CYP2J2: variants seen among roughly 807,000 people sequenced by gnomAD.
The protein encoded by CYP2J2 is cytochrome P450 family 2 subfamily J member 2.
A neutral mutation model predicts 48.8 loss-of-function variants in CYP2J2; 41 were observed. That is an observed-to-expected ratio of 0.84 (90% CI 0.66 to 1.09). The LOEUF (loss-of-function observed/expected upper bound fraction) is 1.09, where lower values mean the gene tolerates loss of function less well. Ranked by LOEUF, CYP2J2 falls within the 50% of genes least tolerant of loss-of-function variation. The probability of loss-of-function intolerance (pLI) is 0.00; values close to 1 mark genes in which losing one functional copy is unlikely to be tolerated. For missense variants in CYP2J2, 644 were observed against 617.3 expected (o/e 1.04, Z -0.46); for synonymous variants, 221 against 227.1 (o/e 0.97, Z 0.24).
chr1:59,923,227 A>G (rs558445555), intron 1 of CYP2J2, among the ~76,000 whole-genome samples: 1 of 152,322 alleles, frequency 6.6e-6, no homozygotes, highest in South Asian at 2.1e-4. Flanking sequence ...CTCCTGTGGG[A>G]GTGGGTAATA....
At chr1:59,901,488 A>C (rs989046005) in intron 7 of CYP2J2, among the ~76,000 whole-genome samples, 1 of 152,162 alleles carries the variant, frequency 6.6e-6, no homozygotes, top group Non-Finnish European at 1.5e-5. Context: ...GTGAAGCTAT[A>C]ACGATGGCAG....
Position 59,904,855 on chromosome 1 carries a change from A to C in CYP2J2, c.1191+16T>G. On this transcript the variant is annotated intron_variant, in intron 7 of 8. Transcript: ENST00000371204. The stretch of plus-strand genomic sequence containing the variant: ...CTACCCCCCTAAAAGATGGGCTTGA[A>C]GATCTGCTTAATTACCTTGGGCAGG... 1 of 1,606,470 alleles carries C rather than the reference A, an allele frequency of 6.2e-7. No individual in the cohort carries two copies. The highest frequency in any genetic ancestry group is 8.5e-7 in the Non-Finnish European group (1 of 1,176,720).
chr1:59,934,989 GATATATATATATAT>G, the CYP2J2 span, among the ~76,000 whole-genome samples: 4 of 58,390 alleles, frequency 6.9e-5, no homozygotes, highest in East Asian at 1.4e-3. Flanking sequence ...AAGAAAATGG[GATATATATATATAT>G]ATATATATAT....
the CYP2J2 span, among the ~76,000 whole-genome samples, chr1:59,941,875 A>T: frequency 6.6e-6 from 1 of 152,186 alleles, no homozygotes; most frequent in South Asian, 2.1e-4. Context: ...AACAAATTTA[A>T]AAGTTTATAA....
At chr1:59,935,019 T>TAC in the CYP2J2 span, among the ~76,000 whole-genome samples, 6 of 41,926 alleles carry the variant, frequency 1.4e-4, no homozygotes, top group African/African-American at 3.0e-4. Flanking sequence ...TATATACATA[T>TAC]ATATATATAT....
chr1:59,936,498 C>T, the CYP2J2 span, among the ~76,000 whole-genome samples: 1,695 of 152,244 alleles, frequency 0.011, 23 homozygotes, highest in African/African-American at 0.039. Context: ...AGTGACTCCA[C>T]CCTTTCATCT....
chr1:59,930,736 T>C (rs896519358), upstream of CYP2J2, among the ~76,000 whole-genome samples: 10 of 152,190 alleles, frequency 6.6e-5, no homozygotes, highest in African/African-American at 2.4e-4. Context: ...TTATTTTTTT[T>C]TAAATGAAGG....
At chr1:59,932,935 T>C in the CYP2J2 span, among the ~76,000 whole-genome samples, 2 of 152,132 alleles carry the variant, frequency 1.3e-5, no homozygotes, top group East Asian at 3.8e-4. Flanking sequence ...TCCTGACCTC[T>C]AGTGATCTGC....
intron 1 of CYP2J2, 45 bp downstream of exon 1, chr1:59,926,492 C>T: frequency 6.5e-7 from 1 of 1,538,264 alleles, no homozygotes; most frequent in Non-Finnish European, 9.0e-7. Flanking sequence ...TGCTGCAGAA[C>T]AGAGTTAGGG....
the CYP2J2 span, among the ~76,000 whole-genome samples, chr1:59,963,390 C>T: frequency 2.6e-5 from 4 of 152,170 alleles, no homozygotes; most frequent in Middle Eastern, 3.2e-3. Context: ...CTCTAATCAA[C>T]TTTCTGTGGT....
intron 6 of CYP2J2, among the ~76,000 whole-genome samples, chr1:59,906,413 G>A (rs1644365062): frequency 6.6e-6 from 1 of 151,752 alleles, no homozygotes; most frequent in South Asian, 2.1e-4. Context: ...GTTGGAAGGA[G>A]CTGGGAACCC....
intron 8 of CYP2J2, among the ~76,000 whole-genome samples, chr1:59,900,276 T>A (rs1374074281): frequency 6.6e-6 from 1 of 152,172 alleles, no homozygotes; most frequent in African/African-American, 2.4e-5. Context: ...TCAGCTCTAT[T>A]TCTGTGTGAG....
At chr1:59,956,134 T>C in the CYP2J2 span, among the ~76,000 whole-genome samples, 9 of 152,116 alleles carry the variant, frequency 5.9e-5, no homozygotes, top group Non-Finnish European at 1.3e-4. Flanking sequence ...GGCACTCAAA[T>C]TATAGAACAA....
At chr1:59,916,830 A>C (rs1185776150) in intron 1 of CYP2J2, among the ~76,000 whole-genome samples, 2 of 152,056 alleles carry the variant, frequency 1.3e-5, no homozygotes, top group Non-Finnish European at 2.9e-5. Flanking sequence ...CCTGAACACT[A>C]ATCATGTCTC....
At chr1:59,902,063 T>C (rs1054504691) in intron 7 of CYP2J2, among the ~76,000 whole-genome samples, 7 of 152,328 alleles carry the variant, frequency 4.6e-5, no homozygotes, top group Admixed American at 6.5e-5. Flanking sequence ...TTCTCAAACA[T>C]GCCATTTTCC....
At chr1:59,947,510 G>GC in the CYP2J2 span, among the ~76,000 whole-genome samples, 1 of 152,148 alleles carries the variant, frequency 6.6e-6, no homozygotes, top group East Asian at 1.9e-4. Context: ...GGTTGAGTCC[G>GC]CCCCCATGTG....
In CYP2J2 at chr1:59,907,822, C is replaced by T. The variant is rs1382022827; in HGVS notation, c.967G>A (p.Ala323Thr). ...GGGTAGAGGGCCATATAAAGCAGAG[C>T]CCATCGCAGAGTTGTGGAAGTTGTC... ...TETTSTTLRW[A>T]LLYMALYPEI... The change falls in exon 6 of 9, where the codon GCT (alanine) becomes ACT (threonine). Residue 323 changes from alanine (A) to threonine (T), a missense_variant. Coordinates refer to ENST00000371204, the MANE Select transcript of CYP2J2 (RefSeq NM_000775.4). 6.2e-7 allele frequency: 1 copy of T among 1,614,030 alleles called. No individual in the cohort carries two copies. The highest frequency in any genetic ancestry group is 1.1e-5 in the South Asian group (1 of 91,070).
intron 2 of CYP2J2, among the ~76,000 whole-genome samples, 173 bp downstream of exon 2, chr1:59,915,765 C>G (rs11572245): frequency 0.13 from 19,491 of 152,156 alleles, 1,363 homozygotes; most frequent in Admixed American, 0.18. Context: ...CAAATCTTCT[C>G]AGGGAGTGAC....
At chr1:59,910,160 A>G (rs1246340711) in intron 4 of CYP2J2, among the ~76,000 whole-genome samples, 200 bp from the exon 5 acceptor site, 1 of 151,992 alleles carries the variant, frequency 6.6e-6, no homozygotes, top group African/African-American at 2.4e-5. Flanking sequence ...GCCTTGGACC[A>G]TTTCTCACCA....
Sources: allele counts gnomAD v4.1 joint callset (sites outside exome capture counted in the v4.1 genomes callset), GRCh38; gene constraint gnomAD v4.1.1; transcripts MANE v1.5; gene names NCBI Gene and HGNC (gene_info 2026-07-23, HGNC 2026-07-21).